C6orf62: variants seen among roughly 807,000 people sequenced by gnomAD.
C6orf62 encodes chromosome 6 open reading frame 62.
A neutral mutation model predicts 26.8 loss-of-function variants in C6orf62; 16 were observed. The ratio of observed to expected loss-of-function variants is 0.60; its 90% CI spans 0.40 to 0.91. C6orf62 has a LOEUF of 0.91. Ranked by LOEUF, C6orf62 falls within the 40% of genes least tolerant of loss-of-function variation. The pLI is 0.00. For synonymous variants in C6orf62, 112 were observed against 91.5 expected (o/e 1.22, Z -1.28); for missense variants, 192 against 271.4 (o/e 0.71, Z 2.06).
chr6:24,712,439 G>C (rs1779139448), intron 3 of C6orf62, among the ~76,000 whole-genome samples: 1 of 152,034 alleles, frequency 6.6e-6, no homozygotes, highest in Non-Finnish European at 1.5e-5. Flanking sequence ...GGGAGGCCGA[G>C]GCGGGTGAAT....
At position 24,718,711 on chromosome 6, in the gene C6orf62, A is replaced by C. The variant is rs764877063; in HGVS notation, c.-43T>G. On this transcript the variant is annotated 5_prime_UTR_variant, in exon 1 of 5. Coordinates refer to ENST00000378119, the MANE Select transcript of C6orf62 (RefSeq NM_030939.5). ...ACTAAAGCCTTTGGAAATTGTCACT[A>C]AACTATGGGCACTTTTTCTTAAGAC... The C allele has an allele frequency of 3.1e-6, 5 of 1,605,306 alleles. No homozygotes were observed. In the Admixed American group the frequency reaches 7.0e-5, roughly 22 times the overall value.
intron 3 of C6orf62, chr6:24,710,265 A>AT: frequency 1.0e-6 from 1 of 973,770 alleles, no homozygotes; most frequent in Non-Finnish European, 1.2e-6. Flanking sequence ...GTAAAACTCC[A>AT]ATTTTTTTTT....
chr6:24,710,368 C>T (rs987020170), intron 3 of C6orf62: 1 of 482,358 alleles, frequency 2.1e-6, no homozygotes, highest in Non-Finnish European at 2.7e-6. Flanking sequence ...TGGGTTCAAG[C>T]GATTCTTCTG....
rs749113679 is a variant in C6orf62 at position 24,705,939 on chromosome 6, G to A, written c.*198C>T. 8.9e-5 allele frequency: 61 copies of A among 688,938 alleles called. No individual in the cohort carries two copies. Among genetic ancestry groups the A allele is most frequent in the Admixed American group, 1.6e-4 (5 of 30,938 alleles). 42.7% of individuals were successfully genotyped at this position (688,938 alleles called of 1,614,324 possible). ...CAAAGCATCTTCTTTCACACAGTCC[G>A]TGCACGACATCTAATTTTTGTTTAA... On this transcript the variant is annotated 3_prime_UTR_variant, in exon 5 of 5. Transcript: ENST00000378119.
At chr6:24,714,292 A>G in intron 3 of C6orf62, 26 bp downstream of exon 3, 1 of 1,576,424 alleles carries the variant, frequency 6.3e-7, no homozygotes, top group Non-Finnish European at 8.6e-7. Context: ...ATATTGAAAT[A>G]CTCATCACAC....
upstream of C6orf62, chr6:24,719,960 G>T (rs987562483): frequency 1.9e-6 from 3 of 1,548,158 alleles, no homozygotes; most frequent in Admixed American, 6.0e-5. Flanking sequence ...AAATGGGAAG[G>T]TTCAGTGGGG....
At chr6:24,709,928 A>C in intron 3 of C6orf62, 2 of 985,456 alleles carry the variant, frequency 2.0e-6, no homozygotes, top group Non-Finnish European at 2.4e-6. Flanking sequence ...CAAAAACAGT[A>C]GGAAATAATA....
At chr6:24,719,325 G>A (rs1008108577), upstream of C6orf62, 3 of 996,216 alleles carry the variant, frequency 3.0e-6, no homozygotes, top group African/African-American at 1.7e-5. Flanking sequence ...TATTGTCAGT[G>A]CTTGTTATTG....
chr6:24,715,406 A>G (rs1239215625), intron 2 of C6orf62, among the ~76,000 whole-genome samples: 5 of 152,232 alleles, frequency 3.3e-5, no homozygotes, highest in Non-Finnish European at 4.4e-5. Flanking sequence ...AAACGGAGAC[A>G]TAAGACATTT....
chr6:24,717,093 T>G (rs1281788344), intron 1 of C6orf62, among the ~76,000 whole-genome samples: 1 of 152,202 alleles, frequency 6.6e-6, no homozygotes, highest in African/African-American at 2.4e-5. Context: ...CAAGACCAAG[T>G]ACGCATCACT....
chr6:24,718,876 G>A lies in C6orf62; in HGVS notation c.-208C>T. On this transcript the variant is annotated 5_prime_UTR_variant, in exon 1 of 5. An upstream open reading frame in the 5' UTR gains an earlier in-frame stop. Coordinates refer to ENST00000378119, the MANE Select transcript of C6orf62 (RefSeq NM_030939.5). ...ACAGGGTCAAGAAACAAAAGCTGCT[G>A]TCCAGTCATGTTTGGACAATAACGT... The A allele has an allele frequency of 7.2e-7, 1 of 1,390,458 alleles. No individual in the cohort carries two copies. The highest frequency in any genetic ancestry group is 9.3e-7 in the Non-Finnish European group (1 of 1,079,004). The allele number at this position is 1,390,458 out of a possible 1,614,324, so 86.1% of individuals were successfully genotyped here.
chr6:24,713,716 G>A (rs1007514517), intron 3 of C6orf62, among the ~76,000 whole-genome samples: 1 of 152,090 alleles, frequency 6.6e-6, no homozygotes. Flanking sequence ...TAACACTTTG[G>A]TGGACCTCCA....
chr6:24,719,897 C>T (rs543168502), upstream of C6orf62: 1 of 1,548,076 alleles, frequency 6.5e-7, no homozygotes, highest in African/African-American at 1.4e-5. Context: ...CAGGTTTTCA[C>T]TCATTTCATC....
upstream of C6orf62, chr6:24,719,856 T>G: frequency 1.5e-6 from 2 of 1,363,452 alleles, no homozygotes; most frequent in East Asian, 3.0e-5. Context: ...CGGCAGCGAC[T>G]CACTCGCACC....
intron 3 of C6orf62, among the ~76,000 whole-genome samples, chr6:24,712,338 C>T (rs1435071388): frequency 6.6e-6 from 1 of 151,654 alleles, no homozygotes; most frequent in Non-Finnish European, 1.5e-5. Flanking sequence ...GCCAAGATCA[C>T]GCCACCACAC....
upstream of C6orf62, chr6:24,720,312 T>G: frequency 7.7e-7 from 1 of 1,305,884 alleles, no homozygotes. Flanking sequence ...GCGCTGCTGG[T>G]AGCACGGGCA....
intron 3 of C6orf62, chr6:24,709,772 TGA>T (rs1321887922): frequency 2.0e-5 from 20 of 985,300 alleles, no homozygotes; most frequent in Non-Finnish European, 1.2e-6. Flanking sequence ...TTGGGCATGG[TGA>T]GACACCAAAT....
At chr6:24,719,744 G>A (rs1779315792), upstream of C6orf62, 49 of 1,538,450 alleles carry the variant, frequency 3.2e-5, no homozygotes, top group Non-Finnish European at 4.3e-5. Flanking sequence ...TGTGAGCATT[G>A]CCGAGGCAAA....
rs370439364 is a variant in C6orf62, at chr6:24,707,358, CG to C, written c.565-1097del. Among the ~76,000 whole-genome samples the C allele has an allele frequency of 8.4e-4, 126 of 150,674 alleles. 2 individuals carry two copies. In the East Asian group the frequency reaches 0.023, roughly 27 times the overall value. On this transcript the variant is annotated intron_variant, in intron 4 of 4. Transcript: ENST00000378119. Reference sequence around the variant, plus strand: ...CTGGGAAGTGGTTATTTGTTGTTGGCGGTGTTTTTTTTTTTTTTGAGATGGG... The same window carrying C: ...CTGGGAAGTGGTTATTTGTTGTTGGCGTGTTTTTTTTTTTTTTGAGATGGG...
Sources: allele counts gnomAD v4.1 joint callset (sites outside exome capture counted in the v4.1 genomes callset), GRCh38; gene constraint gnomAD v4.1.1; transcripts MANE v1.5; gene names NCBI Gene and HGNC (gene_info 2026-07-23, HGNC 2026-07-21).